The following PALS1 variants were observed in gnomAD, a reference collection of about 807,000 sequenced individuals.
PALS1 encodes protein associated with LIN7 1, MAGUK p55 family member.
A neutral mutation model predicts 78.9 loss-of-function variants in PALS1; 31 were observed. The observed-to-expected ratio is 0.39, with a 90% confidence interval of 0.30 to 0.53. PALS1 has a LOEUF of 0.53. Ranked by LOEUF, PALS1 falls within the 20% of genes least tolerant of loss-of-function variation. The pLI, the probability that PALS1 is intolerant of heterozygous loss-of-function variation, is 0.67. For missense variants in PALS1, 704 were observed against 826.5 expected, an observed-to-expected ratio of 0.85 and a Z score of 1.82; for synonymous variants, 276 against 270.9, an observed-to-expected ratio of 1.02 and a Z score of -0.18.
In PALS1 at chr14:67,302,536, C is replaced by T; in HGVS notation, c.928C>T (p.Arg310Trp). 3.2e-6 allele frequency: 5 copies of T among 1,576,396 alleles called. No individual in the cohort carries two copies. The highest frequency in any genetic ancestry group is 2.6e-6 in the Non-Finnish European group (3 of 1,162,724). ...EVLEINGIEI[R>W]GKDVNEVFDL... ...TCTAGAGATTAATGGCATTGAAATTCGGGGGAAAGATGTCAATGAGGTTTT... is the reference window on the plus strand; with the variant it reads ...TCTAGAGATTAATGGCATTGAAATTTGGGGGAAAGATGTCAATGAGGTTTT... The change falls in exon 7 of 15, where the codon CGG becomes TGG. Residue 310 changes from arginine (R) to tryptophan (W), a missense_variant. Transcript: ENST00000261681.
intron 14 of PALS1, among the ~76,000 whole-genome samples, chr14:67,331,076 A>G (rs10147640): frequency 0.16 from 23,600 of 150,984 alleles, 3,458 homozygotes; most frequent in East Asian, 0.43. Context: ...ACAGAGTCTC[A>G]CTCTGTCGCC....
At chr14:67,294,172 A>G (rs537195409) in intron 4 of PALS1, among the ~76,000 whole-genome samples, 3 of 152,326 alleles carry the variant, frequency 2.0e-5, no homozygotes, top group African/African-American at 7.2e-5. Flanking sequence ...AAAGTACTGT[A>G]TAAAGGAGAT....
intron 1 of PALS1, among the ~76,000 whole-genome samples, chr14:67,256,199 C>G (rs150516025): frequency 2.0e-5 from 3 of 152,108 alleles, no homozygotes; most frequent in Non-Finnish European, 4.4e-5. Context: ...TAGTTGAAAA[C>G]AATATTGTAT....
chr14:67,327,486 T>C (rs1337397314), intron 14 of PALS1, among the ~76,000 whole-genome samples: 1 of 151,954 alleles, frequency 6.6e-6, no homozygotes, highest in Non-Finnish European at 1.5e-5. Flanking sequence ...ATTTTTATTT[T>C]ATTTTTTTAT....
intron 1 of PALS1, among the ~76,000 whole-genome samples, chr14:67,260,981 G>GC (rs2084226621): frequency 2.0e-5 from 3 of 152,134 alleles, no homozygotes; most frequent in African/African-American, 7.2e-5. Flanking sequence ...AAATGCCCTG[G>GC]AGTCAAGCAG....
At chr14:67,326,755 T>G (rs532289524) in intron 14 of PALS1, among the ~76,000 whole-genome samples, 2 of 152,244 alleles carry the variant, frequency 1.3e-5, no homozygotes, top group Non-Finnish European at 2.9e-5. Context: ...TGGCTTTTGA[T>G]CAACATGTTT....
intron 8 of PALS1, among the ~76,000 whole-genome samples, chr14:67,308,608 C>T (rs1167268226): frequency 1.4e-5 from 2 of 145,564 alleles, no homozygotes; most frequent in South Asian, 4.3e-4. Flanking sequence ...TGCAATGGTG[C>T]CATCTTGGCT....
At chr14:67,276,663 C>T (rs2084510726) in intron 2 of PALS1, among the ~76,000 whole-genome samples, 1 of 152,136 alleles carries the variant, frequency 6.6e-6, no homozygotes, top group Admixed American at 6.5e-5. Flanking sequence ...ATTTTCTTTG[C>T]TTTCTCTCCC....
intron 8 of PALS1, among the ~76,000 whole-genome samples, chr14:67,311,553 G>A (rs1050807908): frequency 1.3e-5 from 2 of 152,100 alleles, no homozygotes; most frequent in African/African-American, 4.8e-5. Context: ...ACTTGCCCAG[G>A]TTAGGTAAAA....
chr14:67,243,751 C>T (rs933971351), intron 1 of PALS1, among the ~76,000 whole-genome samples: 1 of 152,106 alleles, frequency 6.6e-6, no homozygotes, highest in Non-Finnish European at 1.5e-5. Context: ...CCGCCTCGCC[C>T]TCCCAAAGTG....
intron 13 of PALS1, among the ~76,000 whole-genome samples, chr14:67,322,867 C>T (rs1315249231): frequency 6.6e-6 from 1 of 152,162 alleles, no homozygotes; most frequent in African/African-American, 2.4e-5. Context: ...CACACACAGT[C>T]ATGCATTGGT....
intron 8 of PALS1, among the ~76,000 whole-genome samples, chr14:67,304,950 T>A (rs1040936130): frequency 1.3e-5 from 2 of 152,212 alleles, no homozygotes; most frequent in Non-Finnish European, 2.9e-5. Context: ...TGCTTTATAG[T>A]TTGGCTATCA....
chr14:67,277,361 T>G (rs1381383936), intron 2 of PALS1, among the ~76,000 whole-genome samples: 1 of 152,174 alleles, frequency 6.6e-6, no homozygotes, highest in African/African-American at 2.4e-5. Context: ...TTTTCCTGAT[T>G]GTTGGACTAG....
At chr14:67,306,438 G>C (rs1306011247) in intron 8 of PALS1, among the ~76,000 whole-genome samples, 1 of 152,014 alleles carries the variant, frequency 6.6e-6, no homozygotes, top group Non-Finnish European at 1.5e-5. Context: ...TCTGCCTCCT[G>C]TGTTCAAGCA....
In PALS1 at chr14:67,292,603, G is replaced by A; in HGVS notation, c.460G>A (p.Val154Ile). 1 of 1,613,618 alleles carries A rather than the reference G, an allele frequency of 6.2e-7. No homozygotes were observed. Among genetic ancestry groups the A allele is most frequent in the Non-Finnish European group, 8.5e-7 (1 of 1,179,706 alleles). ...GGATATTTCACTGCTTTTACAACTT[G>A]TTCAAAATAAGGATTTCCAGAATGC... ...QEDISLLLQLVQNKDFQNAFK... is the reference protein window; with the variant it reads ...QEDISLLLQLIQNKDFQNAFK... The change falls in exon 4 of 15, where the codon GTT (valine) becomes ATT (isoleucine). Residue 154 changes from valine to isoleucine, a missense_variant. Coordinates refer to ENST00000261681, the MANE Select transcript of PALS1 (RefSeq NM_022474.4).
Position 67,292,381 on chromosome 14 carries a change from AAT to A in PALS1, c.368-125_368-124del. ...CTATGAAATGACCATGATTGACAAT[AAT>A]ATATGCAGATTTTGGTATTTTTCTG... is the stretch of plus-strand genomic sequence containing the variant. On this transcript the variant is annotated intron_variant, in intron 3 of 14. Coordinates refer to ENST00000261681, the MANE Select transcript of PALS1 (RefSeq NM_022474.4). 4 of 610,188 alleles carry A rather than the reference AAT, an allele frequency of 6.6e-6. No homozygotes were observed. The Admixed American group carries it at 1.2e-4, about 18-fold the overall frequency. 37.8% of individuals were successfully genotyped at this position (610,188 alleles called of 1,614,324 possible).
chr14:67,269,389 G>T (rs917801824), intron 1 of PALS1, among the ~76,000 whole-genome samples: 1 of 152,056 alleles, frequency 6.6e-6, no homozygotes, highest in Admixed American at 6.6e-5. Context: ...TTATACCTAG[G>T]AGTAGAATCG....
chr14:67,252,613 C>T (rs1250200643), intron 1 of PALS1, among the ~76,000 whole-genome samples: 2 of 152,088 alleles, frequency 1.3e-5, no homozygotes, highest in Non-Finnish European at 2.9e-5. Flanking sequence ...ATTGTAACTC[C>T]AGGTAGATAG....
intron 8 of PALS1, chr14:67,312,254 C>A: frequency 4.6e-6 from 1 of 219,128 alleles, no homozygotes; most frequent in Non-Finnish European, 8.9e-6. Context: ...TACTTAACAC[C>A]CTTCTTCCAA....
Sources: allele counts gnomAD v4.1 joint callset (sites outside exome capture counted in the v4.1 genomes callset), GRCh38; gene constraint gnomAD v4.1.1; transcripts MANE v1.5; gene names NCBI Gene and HGNC (gene_info 2026-07-23, HGNC 2026-07-21).